The following RYR1 variants were observed in gnomAD, a reference collection of about 807,000 sequenced individuals.
RYR1 encodes ryanodine receptor 1, also known as central core disease of muscle.
Under a neutral mutation model 583.5 loss-of-function variants are expected in RYR1, and 342 were observed. That is an observed-to-expected ratio of 0.59 (90% confidence interval 0.54 to 0.64). RYR1 has a LOEUF of 0.64. Among genes scored for constraint, RYR1 ranks in the 30% least tolerant of loss-of-function variants. The pLI is 0.00. For missense variants in RYR1, 6,032 were observed against 6,917.2 expected (o/e 0.87, Z 4.54); for synonymous variants, 2,791 against 2,822.5 (o/e 0.99, Z 0.35).
intron 63 of RYR1, among the ~76,000 whole-genome samples, chr19:38,513,779 T>C (rs1366721557): frequency 2.0e-5 from 3 of 152,118 alleles, no homozygotes; most frequent in Admixed American, 2.0e-4. Context: ...CCTGTGTGCC[T>C]ACCCTTCACT....
At chr19:38,465,390 C>T (rs1387326114) in intron 23 of RYR1, among the ~76,000 whole-genome samples, 1 of 152,056 alleles carries the variant, frequency 6.6e-6, no homozygotes, top group Non-Finnish European at 1.5e-5. Flanking sequence ...ATTGCTTGAA[C>T]CCAGGAGTTT....
intron 1 of RYR1, among the ~76,000 whole-genome samples, chr19:38,439,449 T>TCG (rs1214626728): frequency 6.6e-6 from 1 of 151,798 alleles, no homozygotes; most frequent in African/African-American, 2.4e-5. Context: ...TCCACCTGCC[T>TCG]CGGCCTCCCA....
At chr19:38,434,180 GC>G (rs1434594136) in intron 1 of RYR1, among the ~76,000 whole-genome samples, 5 of 152,146 alleles carry the variant, frequency 3.3e-5, no homozygotes, top group African/African-American at 1.2e-4. Flanking sequence ...CATCTTGGAA[GC>G]AGGCACTTGG....
rs374092732 is a variant in RYR1 at position 38,492,539 on chromosome 19, G to A, written c.6177G>A (p.Leu2059=). Residue 2059 remains leucine, a synonymous_variant, in exon 38 of 106, where the codon CTG becomes CTA. Transcript: ENST00000359596. ...EEEEPEEETT[L]GSRLMSLLEK... is the part of the protein sequence containing the mutation. ...AGGAACCAGAGGAAGAGACCACCCT[G>A]GGCAGCCGCCTCATGAGCCTGTTGG... 25 of 1,613,966 alleles carry A rather than the reference G, an allele frequency of 1.5e-5. No homozygotes were observed. In the East Asian group the frequency reaches 2.0e-4, roughly 13 times the overall value.
intron 39 of RYR1, 102 bp downstream of exon 39, chr19:38,494,727 G>A (rs1969728377): frequency 6.8e-7 from 1 of 1,465,458 alleles, no homozygotes; most frequent in Admixed American, 1.7e-5. Context: ...CCCATCCTCT[G>A]GGTGATCTCA....
In RYR1 at chr19:38,505,922, G is replaced by A. The variant is rs182019390; in HGVS notation, c.8517G>A (p.Thr2839=). The A allele has an allele frequency of 2.2e-5, 35 of 1,613,556 alleles. No homozygotes were observed. Among genetic ancestry groups the A allele is most frequent in the Middle Eastern group, 1.7e-4 (1 of 6,006 alleles). The change falls in exon 54 of 106, where the codon ACG becomes ACA. Residue 2839 remains threonine, a synonymous_variant. Coordinates refer to ENST00000359596, the MANE Select transcript of RYR1 (RefSeq NM_000540.3). ...GEEEKTEKKK[T]RKISQSAQTY... is the part of the protein sequence containing the mutation. ...AGGAGAAGACGGAAAAGAAAAAAAC[G>A]CGGAAGATATCACAAAGTGCCCAGG...
intron 57 of RYR1, among the ~76,000 whole-genome samples, chr19:38,507,167 G>A (rs905833569): frequency 6.6e-6 from 1 of 150,938 alleles, no homozygotes; most frequent in African/African-American, 2.4e-5. Flanking sequence ...AGCACAGGCG[G>A]GACCAGAGAG....
rs762454885 is a variant in RYR1, at chr19:38,548,381, G to A, written c.12243G>A (p.Thr4081=). The A allele has an allele frequency of 1.7e-5, 27 of 1,613,980 alleles. No homozygotes were observed. Among genetic ancestry groups the A allele is most frequent in the East Asian group, 4.5e-5 (2 of 44,892 alleles). ...VGSEAFQDYV[T]DPRGLISKKD... ...CTGAAGCCTTCCAGGACTACGTAAC[G>A]GATCCCCGTGGCCTCATCTCCAAGA... is the stretch of plus-strand genomic sequence containing the variant. Residue 4081 remains threonine (T), a synonymous_variant, in exon 89 of 106, where the codon ACG becomes ACA. Transcript: ENST00000359596.
rs553168266 is a variant in RYR1, at chr19:38,462,891, C to CTTTTTT, written c.2578-515_2578-510dup. On this transcript the variant is annotated intron_variant, in intron 20 of 105. Transcript: ENST00000359596. ...AGATAATTCCTTAATACTCTCTCTT[C>CTTTTTT]TTTTTTTTTTTTTTTTTTTTTTGGA... is the stretch of plus-strand genomic sequence containing the variant. Among the ~76,000 whole-genome samples, 525 of 78,548 alleles carry CTTTTTT rather than the reference C, an allele frequency of 6.7e-3. 8 individuals are homozygous for CTTTTTT. The highest frequency in any genetic ancestry group is 8.4e-3 in the Non-Finnish European group (364 of 43,360). The allele number at this position is 78,548 out of a possible 152,430, so 51.5% of individuals were successfully genotyped here. A position where few individuals can be genotyped will look rare whatever the true frequency, so the allele number is the denominator to read the frequency against.
rs189249768 is a variant in RYR1, at chr19:38,534,729, A to G, written c.11269A>G (p.Met3757Val). 2.0e-5 allele frequency: 32 copies of G among 1,613,946 alleles called. No individual in the cohort carries two copies. The Admixed American group carries it at 3.0e-4, about 15-fold the overall frequency. ...CTGCCTCCCTTCCCAGGAGAAACAG[A>G]TGGAGAAGCAGAGGCTCTTGTACCA... The part of the protein sequence containing the change: ...EVEVSFEEKQ[M>V]EKQRLLYQQA... Residue 3757 changes from methionine to valine, a missense_variant, in exon 79 of 106, where the codon ATG becomes GTG. Met to Val is a conservative substitution (Grantham distance 21). Around this residue, in one of 11 missense-constraint regions of RYR1, gnomAD observed 1,493 missense variants for 1,715.5 expected, o/e 0.87. Coordinates refer to ENST00000359596, the MANE Select transcript of RYR1 (RefSeq NM_000540.3).
intron 5 of RYR1, among the ~76,000 whole-genome samples, 165 bp from the exon 6 acceptor site, chr19:38,443,984 G>A (rs1972819251): frequency 6.6e-6 from 1 of 152,146 alleles, no homozygotes; most frequent in South Asian, 2.1e-4. Flanking sequence ...ACTAGGCAGA[G>A]AGTCTGAAGT....
chr19:38,560,823 A>G (rs1180359268), intron 89 of RYR1, among the ~76,000 whole-genome samples: 2 of 151,482 alleles, frequency 1.3e-5, no homozygotes, highest in African/African-American at 4.8e-5. Flanking sequence ...GTTTGAGACC[A>G]GCCTTGGCAA....
At chr19:38,463,978 A>G in intron 22 of RYR1, 128 bp downstream of exon 22, 1 of 779,586 alleles carries the variant, frequency 1.3e-6, no homozygotes, top group Non-Finnish European at 2.2e-6. Context: ...ATTGTGAGAC[A>G]TAAACAAATG....
In RYR1 at chr19:38,516,126, A is replaced by G; in HGVS notation, c.9594A>G (p.Ala3198=). 6.4e-7 allele frequency: 1 copy of G among 1,550,496 alleles called. No individual in the cohort carries two copies. The highest frequency in any genetic ancestry group is 1.2e-5 in the South Asian group (1 of 84,040). ...TCGGGGAGTGCCTGGCCCGTCTGGC[A>G]GCAGCCATGCCGGTGGCGTTCCTGG... ...PALGECLARL[A]AAMPVAFLEP... Residue 3198 remains alanine (A), a synonymous_variant, in exon 65 of 106, where the codon GCA becomes GCG. Transcript: ENST00000359596.
At chr19:38,523,880 C>T in intron 69 of RYR1, 35 bp from the exon 70 acceptor site, 2 of 1,613,948 alleles carry the variant, frequency 1.2e-6, no homozygotes, top group Middle Eastern at 1.6e-4. Flanking sequence ...GCTGGGGTAA[C>T]CCTTCTTGTC....
intron 11 of RYR1, among the ~76,000 whole-genome samples, chr19:38,450,144 A>G (rs1967001509): frequency 6.6e-6 from 1 of 152,208 alleles, no homozygotes; most frequent in South Asian, 2.1e-4. Flanking sequence ...GGAACAGACT[A>G]CGGTCAGGGG....
intron 72 of RYR1, 145 bp from the exon 73 acceptor site, chr19:38,527,502 T>C: frequency 9.3e-7 from 1 of 1,077,402 alleles, no homozygotes; most frequent in Non-Finnish European, 1.4e-6. Context: ...GGGGCGAGGC[T>C]CCGTCTCAAA....
chr19:38,529,219 C>T (rs186952182), intron 76 of RYR1, among the ~76,000 whole-genome samples, 162 bp downstream of exon 76: 11 of 152,352 alleles, frequency 7.2e-5, no homozygotes, highest in Non-Finnish European at 8.8e-5. Flanking sequence ...CGGTGGCTCA[C>T]GCCTGTAGTC....
chr19:38,489,982 G>A, intron 35 of RYR1, 94 bp from the exon 36 acceptor site: 1 of 1,319,898 alleles, frequency 7.6e-7, no homozygotes, highest in East Asian at 2.3e-5. Flanking sequence ...ACCTGGGCAG[G>A]GCCATGGAGA....
Sources: gnomAD v4.1 joint callset for allele counts (sites outside exome capture counted in the v4.1 genomes callset) on GRCh38, gnomAD v4.1.1 for gene constraint, gnomAD v4.1.1 regional missense constraint, MANE v1.5 for transcripts, NCBI Gene and HGNC (gene_info 2026-07-23, HGNC 2026-07-21) for gene names.